CNTNAP2: variants seen among roughly 807,000 people sequenced by gnomAD.
The protein encoded by CNTNAP2 is contactin associated protein 2.
A neutral mutation model predicts 155.2 loss-of-function variants in CNTNAP2; 98 were observed. The observed-to-expected ratio is 0.63, with a 90% CI of 0.54 to 0.75. The LOEUF (loss-of-function observed/expected upper bound fraction) is 0.75. CNTNAP2 is among the 30% of genes least tolerant of loss of function. The pLI, the probability that CNTNAP2 is intolerant of heterozygous loss-of-function variation, is 0.00. For missense variants in CNTNAP2, 1,727 were observed against 1,688.1 expected (o/e 1.02, Z -0.40); for synonymous variants, 651 against 631.2 (o/e 1.03, Z -0.47).
chr7:147,832,557 G>T (rs529495072), intron 13 of CNTNAP2, among the ~76,000 whole-genome samples: 1,514 of 139,834 alleles, frequency 0.011, 81 homozygotes, highest in Admixed American at 0.086. Context: ...ATATTATATT[G>T]AAATATATTA....
intron 1 of CNTNAP2, among the ~76,000 whole-genome samples, chr7:146,217,980 G>A (rs1323976668): frequency 1.3e-5 from 2 of 152,190 alleles, no homozygotes; most frequent in Admixed American, 6.5e-5. Context: ...ACACCTGCAC[G>A]TATATCCCTG....
intron 10 of CNTNAP2, among the ~76,000 whole-genome samples, chr7:147,480,665 T>C (rs1798405105): frequency 1.3e-5 from 2 of 152,178 alleles, no homozygotes; most frequent in African/African-American, 4.8e-5. Flanking sequence ...TTAGGAGAAA[T>C]GACTGAACAG....
intron 8 of CNTNAP2, among the ~76,000 whole-genome samples, chr7:147,225,179 C>T (rs1803492990): frequency 6.6e-6 from 1 of 152,160 alleles, no homozygotes; most frequent in Non-Finnish European, 1.5e-5. Context: ...AAAATAATTA[C>T]AGCACCATAT....
intron 9 of CNTNAP2, among the ~76,000 whole-genome samples, chr7:147,338,980 A>G (rs1327426563): frequency 3.3e-5 from 5 of 152,146 alleles, no homozygotes; most frequent in Non-Finnish European, 5.9e-5. Flanking sequence ...ATCTTAAGGT[A>G]CTTGTATCTG....
At chr7:148,324,967 T>C (rs563433736) in intron 21 of CNTNAP2, among the ~76,000 whole-genome samples, 3 of 152,270 alleles carry the variant, frequency 2.0e-5, no homozygotes, top group Non-Finnish European at 4.4e-5. Context: ...GAGCAGAAGG[T>C]TAAAAATCCA....
intron 3 of CNTNAP2, among the ~76,000 whole-genome samples, chr7:146,967,559 C>T (rs996436792): frequency 3.9e-5 from 6 of 152,106 alleles, no homozygotes; most frequent in African/African-American, 1.2e-4. Context: ...GTATTTTATT[C>T]TCTTTGAAGC....
intron 13 of CNTNAP2, among the ~76,000 whole-genome samples, chr7:147,802,698 G>C (rs1798023907): frequency 6.6e-6 from 1 of 151,450 alleles, no homozygotes; most frequent in African/African-American, 2.4e-5. Flanking sequence ...ATCAGGCAGG[G>C]AGGTTGCAGT....
intron 10 of CNTNAP2, among the ~76,000 whole-genome samples, chr7:147,478,072 G>A (rs1798352519): frequency 6.6e-6 from 1 of 151,956 alleles, no homozygotes; most frequent in South Asian, 2.1e-4. Flanking sequence ...CAAGATATAG[G>A]TCCACATCAA....
intron 1 of CNTNAP2, among the ~76,000 whole-genome samples, chr7:146,523,656 T>C (rs1469214831): frequency 6.6e-6 from 1 of 152,116 alleles, no homozygotes; most frequent in African/African-American, 2.4e-5. Flanking sequence ...AATACAAATA[T>C]AGTGTCAGGA....
intron 4 of CNTNAP2, chr7:147,081,581 ATTTG>A (rs1800130113): frequency 9.9e-6 from 1 of 100,896 alleles, no homozygotes; most frequent in African/African-American, 4.6e-5. Flanking sequence ...CACCCGGCTA[ATTTG>A]TGTGTGTGTG....
chr7:148,118,460 T>C (rs748194830), intron 16 of CNTNAP2, among the ~76,000 whole-genome samples, 172 bp downstream of exon 16: 3 of 152,200 alleles, frequency 2.0e-5, no homozygotes, highest in Non-Finnish European at 4.4e-5. Flanking sequence ...CCTCAGTCCC[T>C]GTCCTTGGGA....
chr7:146,689,568 T>C (rs528124126), intron 1 of CNTNAP2, among the ~76,000 whole-genome samples: 6 of 152,140 alleles, frequency 3.9e-5, no homozygotes, highest in Non-Finnish European at 7.4e-5. Context: ...CATAATTATA[T>C]CTGTCACTCT....
At chr7:147,730,063 G>A (rs763711076) in intron 13 of CNTNAP2, among the ~76,000 whole-genome samples, 10 of 152,094 alleles carry the variant, frequency 6.6e-5, no homozygotes, top group Non-Finnish European at 1.3e-4. Flanking sequence ...TGACTTCATT[G>A]AGCAAACAGG....
At chr7:146,390,392 A>T (rs1795522986) in intron 1 of CNTNAP2, among the ~76,000 whole-genome samples, 1 of 152,056 alleles carries the variant, frequency 6.6e-6, no homozygotes, top group Non-Finnish European at 1.5e-5. Context: ...GGACTGTAGG[A>T]TGAGACCCAT....
rs145705374 is a variant in CNTNAP2, at chr7:148,044,983, C to T, written c.2383+66994C>T. Among the ~76,000 whole-genome samples, 171 of 152,282 alleles carry T rather than the reference C, an allele frequency of 1.1e-3. 1 individual carries two copies. Among genetic ancestry groups the T allele is most frequent in the Non-Finnish European group, 2.0e-3 (136 of 68,018 alleles). On this transcript the variant is annotated intron_variant, in intron 15 of 23. Coordinates refer to ENST00000361727, the MANE Select transcript of CNTNAP2 (RefSeq NM_014141.6). ...CTGAGATGACAGGCGGGAGCCACCA[C>T]GCCCAGCCACCCTGTGTCTAGCTTA...
At chr7:147,859,050 A>T (rs770044377) in intron 13 of CNTNAP2, among the ~76,000 whole-genome samples, 1 of 152,218 alleles carries the variant, frequency 6.6e-6, no homozygotes, top group Admixed American at 6.6e-5. Context: ...AAGTTCACAG[A>T]TAACTCAGAA....
chr7:147,610,431 A>G lies in CNTNAP2; in HGVS notation c.1898-28675A>G, dbSNP rs139541549. 5.3e-3 allele frequency among the ~76,000 whole-genome samples: 801 copies of G among 152,266 alleles called. 7 individuals carry two copies. Among genetic ancestry groups the G allele is most frequent in the Non-Finnish European group, 7.4e-3 (504 of 68,030 alleles). Reference sequence around the variant, plus strand: ...TGAAGGATCCTTCCTAAGGCCGGTAATGGGAGCTCAGAAAAAGCTCCTCAC... The same window carrying G: ...TGAAGGATCCTTCCTAAGGCCGGTAGTGGGAGCTCAGAAAAAGCTCCTCAC... On this transcript the variant is annotated intron_variant, in intron 12 of 23. Transcript: ENST00000361727.
intron 1 of CNTNAP2, among the ~76,000 whole-genome samples, chr7:146,679,243 A>C (rs1800457605): frequency 6.6e-6 from 1 of 151,898 alleles, no homozygotes; most frequent in Admixed American, 6.6e-5. Flanking sequence ...TCCACTTACA[A>C]GTGAGAACAG....
At chr7:147,824,478 C>A (rs377226029) in intron 13 of CNTNAP2, among the ~76,000 whole-genome samples, 9 of 152,082 alleles carry the variant, frequency 5.9e-5, no homozygotes, top group East Asian at 5.8e-4. Context: ...TAGTTAACAG[C>A]CCTGCTTACC....
Sources: gnomAD v4.1 joint callset for allele counts (sites outside exome capture counted in the v4.1 genomes callset) on GRCh38, gnomAD v4.1.1 for gene constraint, MANE v1.5 for transcripts, NCBI Gene and HGNC (gene_info 2026-07-23, HGNC 2026-07-21) for gene names.